NALF1: variants seen among roughly 807,000 people sequenced by gnomAD.
The protein encoded by NALF1 is family with sequence similarity 155 member A.
NALF1 carries 3 observed loss-of-function variants against 48.4 expected under a neutral mutation model. The observed-to-expected ratio is 0.06, with a 90% CI of 0.03 to 0.16. The LOEUF is 0.16. Ranked by LOEUF, NALF1 falls within the 10% of genes least tolerant of loss-of-function variation. NALF1 has a pLI of 1.00. For synonymous variants in NALF1, 262 were observed against 245.7 expected (o/e 1.07, Z -0.62); for missense variants, 526 against 571.5 (o/e 0.92, Z 0.81).
chr13:107,552,236 A>C (rs1189316052), intron 1 of NALF1, among the ~76,000 whole-genome samples: 1 of 152,174 alleles, frequency 6.6e-6, no homozygotes, highest in African/African-American at 2.4e-5. Context: ...TATTCTTTTT[A>C]GTATATTCTC....
At chr13:107,639,549 T>G (rs2138456890) in intron 1 of NALF1, among the ~76,000 whole-genome samples, 1 of 151,250 alleles carries the variant, frequency 6.6e-6, no homozygotes, top group African/African-American at 2.4e-5. Flanking sequence ...CTGTACTAGC[T>G]GTTCCACTCC....
At chr13:107,831,151 C>T (rs184425073) in intron 1 of NALF1, among the ~76,000 whole-genome samples, 110 of 152,308 alleles carry the variant, frequency 7.2e-4, no homozygotes, top group Non-Finnish European at 7.8e-4. Flanking sequence ...AAGAAATTTT[C>T]ATTATCCACA....
At chr13:107,218,709 G>A (rs1277124615) in intron 1 of NALF1, among the ~76,000 whole-genome samples, 1 of 152,140 alleles carries the variant, frequency 6.6e-6, no homozygotes, top group African/African-American at 2.4e-5. Context: ...AGACCCCATG[G>A]TTCAGGTCCT....
chr13:107,490,529 C>T (rs922412201), intron 1 of NALF1, among the ~76,000 whole-genome samples: 1 of 152,002 alleles, frequency 6.6e-6, no homozygotes. Context: ...GATGGACACA[C>T]AGAGGGGAAT....
chr13:107,282,553 C>CAGTGGAGT (rs751284888), intron 1 of NALF1, among the ~76,000 whole-genome samples: 3 of 152,110 alleles, frequency 2.0e-5, no homozygotes, highest in Non-Finnish European at 4.4e-5. Context: ...ACTTTTTAAC[C>CAGTGGAGT]AGTGGAGTAG....
intron 1 of NALF1, among the ~76,000 whole-genome samples, chr13:107,760,059 G>A (rs1278395868): frequency 6.6e-6 from 1 of 152,170 alleles, no homozygotes; most frequent in Non-Finnish European, 1.5e-5. Context: ...TCATGGATAA[G>A]GTAGGAATAT....
chr13:107,760,562 T>C (rs911782785), intron 1 of NALF1, among the ~76,000 whole-genome samples: 5 of 152,232 alleles, frequency 3.3e-5, no homozygotes, highest in Non-Finnish European at 5.9e-5. Flanking sequence ...ACCCTAACTA[T>C]TCTTCCCTTC....
At chr13:107,475,751 A>C (rs1885168348) in intron 1 of NALF1, among the ~76,000 whole-genome samples, 2 of 152,228 alleles carry the variant, frequency 1.3e-5, no homozygotes, top group Admixed American at 6.5e-5. Flanking sequence ...CTTCTAGTCA[A>C]TAAAATGAAC....
chr13:107,776,681 G>C (rs780887946), intron 1 of NALF1, among the ~76,000 whole-genome samples: 41 of 152,164 alleles, frequency 2.7e-4, no homozygotes, highest in Middle Eastern at 3.2e-3. Context: ...TTAAGAACAT[G>C]ACAGATTTTA....
chr13:107,184,345 G>C (rs1460680526), intron 2 of NALF1, among the ~76,000 whole-genome samples: 1 of 151,988 alleles, frequency 6.6e-6, no homozygotes, highest in African/African-American at 2.4e-5. Context: ...CCATTTTAAT[G>C]CGCCGATGGA....
chr13:107,594,580 A>G (rs1320224666), intron 1 of NALF1, among the ~76,000 whole-genome samples: 1 of 152,072 alleles, frequency 6.6e-6, no homozygotes, highest in Non-Finnish European at 1.5e-5. Context: ...AAAGAAACCT[A>G]AAACAAATAC....
chr13:107,690,842 G>T (rs1322014161), intron 1 of NALF1, among the ~76,000 whole-genome samples: 2 of 152,140 alleles, frequency 1.3e-5, no homozygotes, highest in African/African-American at 4.8e-5. Flanking sequence ...CATGGAGAAG[G>T]TACATTCAAA....
intron 2 of NALF1, among the ~76,000 whole-genome samples, chr13:107,173,356 T>C (rs1878844323): frequency 6.6e-6 from 1 of 152,328 alleles, no homozygotes; most frequent in South Asian, 2.1e-4. Context: ...AGTATAAGGA[T>C]GACATAAATG....
intron 1 of NALF1, among the ~76,000 whole-genome samples, chr13:107,544,916 A>T (rs1229697247): frequency 6.6e-6 from 1 of 152,196 alleles, no homozygotes; most frequent in East Asian, 1.9e-4. Flanking sequence ...CGTCCTCTGC[A>T]GAAGACAGGC....
Position 107,507,447 on chromosome 13 carries a change from G to T in NALF1, c.916-296692C>A, listed in dbSNP as rs141531330. Reference sequence around the variant, plus strand: ...TTTGTTTGTTTTTAATGGAAAGGAAGTTAAATGAGAAACAAGCAATTGAGG... The same window carrying T: ...TTTGTTTGTTTTTAATGGAAAGGAATTTAAATGAGAAACAAGCAATTGAGG... On this transcript the variant is annotated intron_variant, in intron 1 of 2. Transcript: ENST00000375915. Among the ~76,000 whole-genome samples the T allele has an allele frequency of 3.8e-3, 569 of 151,640 alleles. 3 individuals carry two copies. The highest frequency in any genetic ancestry group is 0.013 in the African/African-American group (517 of 41,336).
At chr13:107,489,063 T>C (rs1885374490) in intron 1 of NALF1, among the ~76,000 whole-genome samples, 1 of 152,002 alleles carries the variant, frequency 6.6e-6, no homozygotes, top group East Asian at 1.9e-4. Context: ...TACAGTTAAC[T>C]AGGAAGGTTT....
intron 1 of NALF1, among the ~76,000 whole-genome samples, chr13:107,321,315 C>T (rs1421925175): frequency 6.6e-6 from 1 of 151,734 alleles, no homozygotes; most frequent in Non-Finnish European, 1.5e-5. Flanking sequence ...TTTATTTTTC[C>T]GAATATTGAG....
chr13:107,238,596 T>A (rs1880402046), intron 1 of NALF1, among the ~76,000 whole-genome samples: 1 of 152,226 alleles, frequency 6.6e-6, no homozygotes, highest in Non-Finnish European at 1.5e-5. Context: ...ATGCCTCATC[T>A]GAGCTGAATC....
chr13:107,375,502 T>C (rs1883320633), intron 1 of NALF1, among the ~76,000 whole-genome samples: 2 of 152,168 alleles, frequency 1.3e-5, no homozygotes, highest in Admixed American at 1.3e-4. Context: ...AAATGTCTCA[T>C]TTTTGTGCTT....
Sources: gnomAD v4.1 joint callset for allele counts (sites outside exome capture counted in the v4.1 genomes callset) on GRCh38, gnomAD v4.1.1 for gene constraint, MANE v1.5 for transcripts, NCBI Gene and HGNC (gene_info 2026-07-23, HGNC 2026-07-21) for gene names.